The following EYA4 variants were observed in gnomAD, a reference collection of about 807,000 sequenced individuals.
EYA4 encodes protein phosphatase EYA4.
In EYA4, 31 loss-of-function variants were observed where a neutral mutation model predicts 87.9. That is an observed-to-expected ratio of 0.35 (90% CI 0.27 to 0.48). The LOEUF (loss-of-function observed/expected upper bound fraction) is 0.48. Ranked by LOEUF, EYA4 falls within the 20% of genes least tolerant of loss-of-function variation. EYA4 has a pLI of 0.99. For missense variants in EYA4, 678 were observed against 761.4 expected (o/e 0.89, Z 1.29); for synonymous variants, 263 against 270.6 (o/e 0.97, Z 0.28).
At chr6:133,510,502 G>C in intron 14 of EYA4, 1 of 328,568 alleles carries the variant, frequency 3.0e-6, no homozygotes, top group South Asian at 3.0e-5. Flanking sequence ...CAACCCTTAT[G>C]CTAATGGGTA....
intron 7 of EYA4, 113 bp downstream of exon 7, chr6:133,461,293 A>G: frequency 2.4e-6 from 2 of 818,292 alleles, no homozygotes; most frequent in South Asian, 2.8e-5. Flanking sequence ...AATATCCTGT[A>G]CAAATTTGAA....
chr6:133,331,911 A>G (rs1429085720), intron 2 of EYA4, among the ~76,000 whole-genome samples: 1 of 152,208 alleles, frequency 6.6e-6, no homozygotes, highest in Non-Finnish European at 1.5e-5. Context: ...AGCTATAGGT[A>G]TGTTATTGTG....
intron 2 of EYA4, among the ~76,000 whole-genome samples, chr6:133,302,657 A>G (rs1014346271): frequency 3.9e-5 from 6 of 152,200 alleles, no homozygotes; most frequent in Non-Finnish European, 7.3e-5. Flanking sequence ...ACAACTTACT[A>G]TTTATCAGCT....
chr6:133,531,060 C>G lies in EYA4; in HGVS notation c.*2255C>G. The G allele has an allele frequency of 1.4e-6, 2 of 1,400,534 alleles. No homozygotes were observed. Among genetic ancestry groups the G allele is most frequent in the Non-Finnish European group, 1.9e-6 (2 of 1,080,102 alleles). The allele number at this position is 1,400,534 out of a possible 1,614,324, so 86.8% of individuals were successfully genotyped here. A position where few individuals can be genotyped will look rare whatever the true frequency, so the allele number is the denominator to read the frequency against. On this transcript the variant is annotated 3_prime_UTR_variant, in exon 20 of 20. Coordinates refer to ENST00000355286, the MANE Select transcript of EYA4 (RefSeq NM_004100.5). ...TGGCATTACATCTAAATTTGTAAGT[C>G]TTTTCATATCAAACAAGCAAGGCTT...
At chr6:133,253,312 G>A (rs1454430260) in intron 1 of EYA4, among the ~76,000 whole-genome samples, 3 of 152,096 alleles carry the variant, frequency 2.0e-5, no homozygotes, top group Admixed American at 2.0e-4. Flanking sequence ...GGTCCATCCA[G>A]GCACTTTATG....
chr6:133,477,181 C>G (rs1795817125), intron 11 of EYA4, among the ~76,000 whole-genome samples: 1 of 152,016 alleles, frequency 6.6e-6, no homozygotes, highest in Non-Finnish European at 1.5e-5. Flanking sequence ...TCGAGTAGTT[C>G]TTTATAGCGA....
intron 3 of EYA4, among the ~76,000 whole-genome samples, chr6:133,424,416 C>T (rs772143149): frequency 1.3e-5 from 2 of 152,172 alleles, no homozygotes; most frequent in Non-Finnish European, 2.9e-5. Flanking sequence ...CTGCCTCCTA[C>T]TGCCATTCAT....
intron 1 of EYA4, among the ~76,000 whole-genome samples, chr6:133,252,647 G>T (rs1303074940): frequency 6.6e-6 from 1 of 152,032 alleles, no homozygotes; most frequent in Non-Finnish European, 1.5e-5. Context: ...AGTGAGAGAG[G>T]ATAACTTTTC....
At chr6:133,328,424 T>C (rs1781670961) in intron 2 of EYA4, among the ~76,000 whole-genome samples, 1 of 152,094 alleles carries the variant, frequency 6.6e-6, no homozygotes, top group Admixed American at 6.5e-5. Context: ...TAGGATGGCT[T>C]TAGGGATTTG....
intron 3 of EYA4, among the ~76,000 whole-genome samples, chr6:133,413,895 C>T (rs1789474048): frequency 6.6e-6 from 1 of 152,172 alleles, no homozygotes; most frequent in African/African-American, 2.4e-5. Flanking sequence ...CTTGGTGCAT[C>T]GTGCCTTCTT....
At chr6:133,415,293 T>C (rs1789614592) in intron 3 of EYA4, among the ~76,000 whole-genome samples, 1 of 152,208 alleles carries the variant, frequency 6.6e-6, no homozygotes, top group African/African-American at 2.4e-5. Context: ...CTATCTTCTT[T>C]TTTGTAAAAC....
chr6:133,433,352 G>A (rs1018921420), intron 3 of EYA4, among the ~76,000 whole-genome samples: 62 of 152,168 alleles, frequency 4.1e-4, no homozygotes, highest in Non-Finnish European at 3.7e-4. Context: ...TCAGCCAAGC[G>A]CATGCCAGAG....
intron 1 of EYA4, among the ~76,000 whole-genome samples, chr6:133,273,100 T>TATATATATATATATATATAA (rs1554213972): frequency 2.3e-5 from 3 of 132,328 alleles, no homozygotes; most frequent in East Asian, 2.0e-4. Context: ...TATATATGTA[T>TATATATATATATATATATAA]ATATATATAT....
At chr6:133,442,896 T>C (rs1186932375) in intron 3 of EYA4, among the ~76,000 whole-genome samples, 1 of 152,138 alleles carries the variant, frequency 6.6e-6, no homozygotes, top group East Asian at 1.9e-4. Context: ...TTTTTTGCAC[T>C]CATGGAAATA....
chr6:133,504,764 A>T (rs971816755), intron 13 of EYA4, among the ~76,000 whole-genome samples: 1 of 152,216 alleles, frequency 6.6e-6, no homozygotes, highest in Non-Finnish European at 1.5e-5. Flanking sequence ...AAATGGAATC[A>T]GTTCAGGGTG....
intron 1 of EYA4, among the ~76,000 whole-genome samples, chr6:133,263,171 A>T (rs1165955526): frequency 6.6e-6 from 1 of 152,230 alleles, no homozygotes; most frequent in Admixed American, 6.5e-5. Context: ...TGGACAGTTG[A>T]TCACAACTAT....
rs761233848 is a variant in EYA4, at chr6:133,450,660, C to A, written c.277+2481C>A. ...CTGGGACTACAGACACACGCCACCA[C>A]GCCCATCAGGCTAATTTTTGTACTT... is the stretch of plus-strand genomic sequence containing the variant. On this transcript the variant is annotated intron_variant, in intron 5 of 19. Coordinates refer to ENST00000355286, the MANE Select transcript of EYA4 (RefSeq NM_004100.5). Among the ~76,000 whole-genome samples, 6 of 152,282 alleles carry A rather than the reference C, an allele frequency of 3.9e-5. No homozygotes were observed. In the East Asian group the frequency reaches 1.2e-3, roughly 29 times the overall value.
At chr6:133,501,029 C>G (rs1268236822) in intron 13 of EYA4, among the ~76,000 whole-genome samples, 1 of 152,130 alleles carries the variant, frequency 6.6e-6, no homozygotes, top group Non-Finnish European at 1.5e-5. Flanking sequence ...CTTCCCTGGT[C>G]AGGGTCCCTC....
chr6:133,455,965 T>TG (rs1793870268), intron 5 of EYA4, among the ~76,000 whole-genome samples: 1 of 152,110 alleles, frequency 6.6e-6, no homozygotes, highest in African/African-American at 2.4e-5. Flanking sequence ...GTAGAAGTCA[T>TG]CTCTTTTTCT....
Sources: gnomAD v4.1 joint callset for allele counts (sites outside exome capture counted in the v4.1 genomes callset) on GRCh38, gnomAD v4.1.1 for gene constraint, MANE v1.5 for transcripts, NCBI Gene and HGNC (gene_info 2026-07-23, HGNC 2026-07-21) for gene names.